Variants in SRGAP2 observed in about 807,000 individuals in gnomAD.
The protein encoded by SRGAP2 is SLIT-ROBO Rho GTPase activating protein 2.
A neutral mutation model predicts 57.2 loss-of-function variants in SRGAP2; 15 were observed. The observed-to-expected ratio is 0.26, with a 90% confidence interval of 0.18 to 0.40. The LOEUF is 0.40. SRGAP2 is among the 10% of genes least tolerant of loss of function. SRGAP2 has a pLI of 1.00. For synonymous variants in SRGAP2, 249 were observed against 248.0 expected (o/e 1.00, Z -0.04); for missense variants, 520 against 669.6 (o/e 0.78, Z 2.47).
intron 4 of SRGAP2, among the ~76,000 whole-genome samples, chr1:206,377,399 C>T (rs1299700703): frequency 1.3e-5 from 2 of 151,014 alleles, no homozygotes; most frequent in Admixed American, 6.6e-5. Context: ...TCATTATAAC[C>T]TGAAATATCC....
chr1:206,321,828 T>C (rs1673471020), intron 3 of SRGAP2, among the ~76,000 whole-genome samples: 1 of 152,256 alleles, frequency 6.6e-6, no homozygotes, highest in Non-Finnish European at 1.5e-5. Flanking sequence ...CCTTACTTTA[T>C]GGCACAACAA....
chr1:206,446,064 T>C lies in SRGAP2; in HGVS notation c.1875-11T>C. On this transcript the variant is annotated splice_polypyrimidine_tract_variant and intron_variant, in intron 17 of 22. Transcript: ENST00000573034. ...AGCTTTCCAGCTTGCCCCCTTTCCCTTCTCCTCCAGTTTATCACAGTTCAG... is the reference window on the plus strand; with the variant it reads ...AGCTTTCCAGCTTGCCCCCTTTCCCCTCTCCTCCAGTTTATCACAGTTCAG... 1 of 779,996 alleles carries C rather than the reference T, an allele frequency of 1.3e-6. No homozygotes were observed. The highest frequency in any genetic ancestry group is 1.3e-5 in the South Asian group (1 of 74,624). The allele number at this position is 779,996 out of a possible 1,614,324, so 48.3% of individuals were successfully genotyped here. A position where few individuals can be genotyped will look rare whatever the true frequency, so the allele number is the denominator to read the frequency against.
chr1:206,203,701 G>T (rs578006193), intron 1 of SRGAP2, 51 bp downstream of exon 1: 7 of 1,216,174 alleles, frequency 5.8e-6, no homozygotes, highest in South Asian at 3.1e-5. Flanking sequence ...CCGGGCTGGA[G>T]CCCTGACTGA....
intron 2 of SRGAP2, among the ~76,000 whole-genome samples, chr1:206,262,301 T>C (rs1669603198): frequency 6.7e-6 from 1 of 149,988 alleles, no homozygotes; most frequent in African/African-American, 2.5e-5. Flanking sequence ...TGCAGTGTTT[T>C]TGTTTTTTTT....
rs1662717598 is a variant in SRGAP2, at chr1:206,445,927, T to G, written c.1875-148T>G. The G allele has an allele frequency of 1.1e-5, 7 of 622,288 alleles. No individual in the cohort carries two copies. The East Asian group carries it at 1.9e-4, about 17-fold the overall frequency. 38.5% of individuals were successfully genotyped at this position (622,288 alleles called of 1,614,324 possible). On this transcript the variant is annotated intron_variant, in intron 17 of 22. Coordinates refer to ENST00000573034, the MANE Select transcript of SRGAP2 (RefSeq NM_015326.5). ...CTGGTTGTCAGTTTTCTCCCCAGCTTACTTTCTGGAAAGTCTCTGACACCC... is the reference window on the plus strand; with the variant it reads ...CTGGTTGTCAGTTTTCTCCCCAGCTGACTTTCTGGAAAGTCTCTGACACCC...
intron 5 of SRGAP2, among the ~76,000 whole-genome samples, chr1:206,384,522 T>G (rs1328187373): frequency 6.6e-6 from 1 of 152,094 alleles, no homozygotes; most frequent in Non-Finnish European, 1.5e-5. Context: ...GAACAAATGC[T>G]CTAGAGGGCA....
chr1:206,229,902 T>TGA (rs200955091), intron 2 of SRGAP2, among the ~76,000 whole-genome samples: 3 of 145,790 alleles, frequency 2.1e-5, no homozygotes, highest in Middle Eastern at 3.3e-3. Context: ...GGTTATACGT[T>TGA]GAGAGAGAGA....
In SRGAP2 at chr1:206,218,243, G is replaced by A. The variant is rs1413874983; in HGVS notation, c.67+12206G>A. 2.0e-5 allele frequency among the ~76,000 whole-genome samples: 3 copies of A among 151,610 alleles called. No homozygotes were observed. The South Asian group carries it at 6.2e-4, about 32-fold the overall frequency. On this transcript the variant is annotated intron_variant, in intron 2 of 22. Transcript: ENST00000573034. ...CAGGAGAATTGCTTGAACCTGGGATGCGGAGGTTGCAGTGAGCCCAGATCG... is the reference window on the plus strand; with the variant it reads ...CAGGAGAATTGCTTGAACCTGGGATACGGAGGTTGCAGTGAGCCCAGATCG...
intron 4 of SRGAP2, among the ~76,000 whole-genome samples, chr1:206,371,231 T>C (rs1553342553): frequency 7.7e-6 from 1 of 130,216 alleles, no homozygotes; most frequent in African/African-American, 3.0e-5. Context: ...CAGATGACAG[T>C]GGAATGAAAG....
chr1:206,384,467 T>A (rs1656003960), intron 5 of SRGAP2, among the ~76,000 whole-genome samples: 1 of 151,170 alleles, frequency 6.6e-6, no homozygotes, highest in Admixed American at 6.6e-5. Flanking sequence ...TTTATTGTTC[T>A]AGGTTTTTCA....
chr1:206,324,664 A>G (rs1673737515), intron 3 of SRGAP2, among the ~76,000 whole-genome samples: 1 of 152,188 alleles, frequency 6.6e-6, no homozygotes, highest in Non-Finnish European at 1.5e-5. Context: ...AAGCAGTGAC[A>G]TTGGACCCAC....
chr1:206,279,708 C>T (rs1244692333), intron 2 of SRGAP2, among the ~76,000 whole-genome samples: 2 of 150,350 alleles, frequency 1.3e-5, no homozygotes, highest in Non-Finnish European at 3.0e-5. Flanking sequence ...GCATAAGCCA[C>T]CGTGCTCGGC....
At chr1:206,251,777 T>C (rs1473968555) in intron 2 of SRGAP2, among the ~76,000 whole-genome samples, 1 of 87,190 alleles carries the variant, frequency 1.1e-5, no homozygotes, top group Non-Finnish European at 2.1e-5. Flanking sequence ...CGATCTTGGC[T>C]CATTGCAGCC....
intron 2 of SRGAP2, among the ~76,000 whole-genome samples, chr1:206,247,104 T>A: frequency 7.1e-6 from 1 of 140,826 alleles, no homozygotes; most frequent in Non-Finnish European, 1.5e-5. Context: ...CATTTCACTT[T>A]TAATCCTTAG....
At chr1:206,357,582 CTTTTTT>C (rs781912077) in intron 4 of SRGAP2, among the ~76,000 whole-genome samples, 3 of 78,052 alleles carry the variant, frequency 3.8e-5, no homozygotes, top group African/African-American at 1.7e-4. Context: ...GCTATGTTGT[CTTTTTT>C]TTTTTTTTTT....
At chr1:206,437,374 T>A (rs1661861294) in intron 15 of SRGAP2, among the ~76,000 whole-genome samples, 1 of 152,236 alleles carries the variant, frequency 6.6e-6, no homozygotes, top group Non-Finnish European at 1.5e-5. Context: ...CTAATGCGCT[T>A]GTTCATTGTA....
At chr1:206,289,609 T>G (rs1320595635) in intron 2 of SRGAP2, among the ~76,000 whole-genome samples, 1 of 150,034 alleles carries the variant, frequency 6.7e-6, no homozygotes, top group South Asian at 2.1e-4. Flanking sequence ...TTTTGTTTTG[T>G]TTTTTTAAAC....
intron 3 of SRGAP2, chr1:206,333,395 G>A: frequency 7.2e-7 from 1 of 1,385,404 alleles, no homozygotes. Flanking sequence ...CTTGTCAACA[G>A]CTGTTATCTT....
chr1:206,292,614 C>G (rs1406435793), intron 2 of SRGAP2, among the ~76,000 whole-genome samples: 8 of 148,424 alleles, frequency 5.4e-5, no homozygotes, highest in Admixed American at 4.0e-4. Context: ...TAGTTATTGA[C>G]ACTTTTGTAC....
Sources: gnomAD v4.1 joint callset for allele counts (sites outside exome capture counted in the v4.1 genomes callset) on GRCh38, gnomAD v4.1.1 for gene constraint, MANE v1.5 for transcripts, NCBI Gene and HGNC (gene_info 2026-07-23, HGNC 2026-07-21) for gene names.